Variants in TNS1 observed in about 807,000 individuals in gnomAD.
TNS1 encodes the protein tensin-1.
TNS1 carries 62 observed loss-of-function variants against 168.6 expected under a neutral mutation model. That is an observed-to-expected ratio of 0.37 (90% CI 0.30 to 0.45). The LOEUF (loss-of-function observed/expected upper bound fraction) is 0.45, where lower values mean the gene tolerates loss of function less well. Ranked by LOEUF, TNS1 falls within the 20% of genes least tolerant of loss-of-function variation. TNS1 has a pLI of 1.00. For missense variants in TNS1, 2,240 were observed against 2,339.4 expected (o/e 0.96, Z 0.88); for synonymous variants, 934 against 933.2 (o/e 1.00, Z -0.02).
At chr2:218,014,909 AAGGAAGGAAGGAAGGCAGGCAGGC>A (rs1219303671), upstream of TNS1, among the ~76,000 whole-genome samples, 1,363 of 97,090 alleles carry the variant, frequency 0.014, 24 homozygotes, top group African/African-American at 0.04. Flanking sequence ...GGAAGGAAGG[AAGGAAGGAAGGAAGGCAGGCAGGC>A]AGGCAGGCAG....
In TNS1 at chr2:217,995,987, G is replaced by T. The variant is rs949511466; in HGVS notation, c.34-4931C>A. Among the ~76,000 whole-genome samples, 11 of 152,218 alleles carry T rather than the reference G, an allele frequency of 7.2e-5. No individual in the cohort carries two copies. The highest frequency in any genetic ancestry group is 1.6e-4 in the Non-Finnish European group (11 of 68,042). On this transcript the variant is annotated intron_variant, in intron 1 of 32. Transcript: ENST00000682258. This position sits in a 1 kb window ranked among gnomAD's most constrained non-coding sequence, Gnocchi z 4.1. ...TTCCTGCCCGGGCCGCTCAGCCAGA[G>T]GGGTGTGGCACATCTGGCTTGGACA...
At chr2:217,809,373 A>ATGGATGGATGGATGGATGGATAGG in intron 30 of TNS1, among the ~76,000 whole-genome samples, 1 of 19,724 alleles carries the variant, frequency 5.1e-5, no homozygotes, top group South Asian at 1.7e-3. Flanking sequence ...GGATGGATGG[A>ATGGATGGATGGATGGATGGATAGG]TGCATGGATG....
At chr2:217,996,770 C>T (rs933916895) in intron 1 of TNS1, among the ~76,000 whole-genome samples, 1 of 151,984 alleles carries the variant, frequency 6.6e-6, no homozygotes, top group East Asian at 1.9e-4. Context: ...TCCCACCCAT[C>T]GCCCCTACAC....
intron 3 of TNS1, among the ~76,000 whole-genome samples, chr2:217,958,873 G>A (rs1957428753): frequency 1.3e-5 from 2 of 152,206 alleles, no homozygotes; most frequent in Non-Finnish European, 2.9e-5. Flanking sequence ...ACACCTCTAG[G>A]AAACTGAGGA....
At chr2:218,001,040 C>A (rs1055009424) in intron 1 of TNS1, among the ~76,000 whole-genome samples, 1 of 152,088 alleles carries the variant, frequency 6.6e-6, no homozygotes, top group African/African-American at 2.4e-5. Flanking sequence ...GTAGTCCCAG[C>A]TACTCGGGAG....
chr2:218,026,947 G>T (rs1958853556), intron 1 of TNS1, among the ~76,000 whole-genome samples: 1 of 152,268 alleles, frequency 6.6e-6, no homozygotes, highest in Non-Finnish European at 1.5e-5. Context: ...TCTTGGCTCA[G>T]ATACTGGCCT....
chr2:217,805,546 C>CCACATA (rs1938617764), intron 32 of TNS1, among the ~76,000 whole-genome samples: 5 of 1,808 alleles, frequency 2.8e-3, no homozygotes, highest in Admixed American at 7.6e-3. Flanking sequence ...ACACACACCA[C>CCACATA]CACACACCAC....
chr2:217,963,332 A>G (rs1247116497), intron 3 of TNS1, among the ~76,000 whole-genome samples: 2 of 152,212 alleles, frequency 1.3e-5, no homozygotes, highest in Admixed American at 1.3e-4. Context: ...GGAGAGAGCC[A>G]GACTGCATCT....
rs527805504 is a variant in TNS1 at position 217,806,982 on chromosome 2, A to T, written c.5375+1093T>A. ...CCTGTCTTTGAAGACCCGTCCTTAA[A>T]TATCTGCTCTTTCCACCTCTCTGAG... On this transcript the variant is annotated intron_variant, in intron 32 of 32. Coordinates refer to ENST00000682258, the MANE Select transcript of TNS1 (RefSeq NM_001387777.1). 5.3e-5 allele frequency among the ~76,000 whole-genome samples: 8 copies of T among 152,252 alleles called. 1 individual carries two copies. The East Asian group carries it at 1.5e-3, about 29-fold the overall frequency.
chr2:217,980,535 A>AGAGAGAGAGAGAGAGAGG (rs1559398475), intron 2 of TNS1, among the ~76,000 whole-genome samples: 1 of 149,138 alleles, frequency 6.7e-6, no homozygotes, highest in African/African-American at 2.5e-5. Context: ...AGAGAGAGAG[A>AGAGAGAGAGAGAGAGAGG]GAGAGAGAGA....
At chr2:217,850,582 GACACACACAC>G (rs1207669519) in intron 18 of TNS1, 169 of 869,256 alleles carry the variant, frequency 1.9e-4, no homozygotes, top group African/African-American at 7.5e-4. Context: ...AGCCCCGACA[GACACACACAC>G]ACACACACAC....
At chr2:217,904,131 C>T (rs1329707785) in intron 6 of TNS1, among the ~76,000 whole-genome samples, 1 of 152,174 alleles carries the variant, frequency 6.6e-6, no homozygotes, top group Non-Finnish European at 1.5e-5. Flanking sequence ...CCTCTGGGGG[C>T]TGTGGCCAAC....
At chr2:217,857,411 G>T (rs531789994) in intron 18 of TNS1, among the ~76,000 whole-genome samples, 1 of 152,270 alleles carries the variant, frequency 6.6e-6, no homozygotes, top group Non-Finnish European at 1.5e-5. Flanking sequence ...CCCTAATGCT[G>T]CTTCAAGGTG....
intron 2 of TNS1, 99 bp from the exon 3 acceptor site, chr2:217,978,901 G>T (rs73080355): frequency 0.023 from 16,117 of 693,640 alleles, 869 homozygotes; most frequent in African/African-American, 0.12. Context: ...ATCCGCGCTC[G>T]GGAAGGAAGG....
chr2:217,896,924 T>C (rs1159661903), intron 8 of TNS1, among the ~76,000 whole-genome samples: 1 of 152,222 alleles, frequency 6.6e-6, no homozygotes, highest in Admixed American at 6.5e-5. Context: ...TGCTGTATTG[T>C]TTTTATTTGT....
rs1958189583 is a variant in TNS1 at position 217,986,243 on chromosome 2, C to T, written c.148+4699G>A. Among the ~76,000 whole-genome samples the T allele has an allele frequency of 1.3e-5, 2 of 152,188 alleles. No homozygotes were observed. The highest frequency in any genetic ancestry group is 2.9e-5 in the Non-Finnish European group (2 of 68,014). On this transcript the variant is annotated intron_variant, in intron 2 of 32. Transcript: ENST00000682258. This position sits in a 1 kb window ranked among gnomAD's most constrained non-coding sequence, Gnocchi z 4.7. ...GAAGCTAGGTTCCCCAGTGAAGTAA[C>T]AGGGGGAAAGAGTTCCTAGAAACAA...
chr2:217,921,550 A>G (rs1319367531), intron 3 of TNS1, among the ~76,000 whole-genome samples: 1 of 152,234 alleles, frequency 6.6e-6, no homozygotes, highest in Non-Finnish European at 1.5e-5. Flanking sequence ...CCTGTGGGAC[A>G]GTGTGCTCCA....
intron 3 of TNS1, among the ~76,000 whole-genome samples, chr2:217,924,931 T>C (rs1294007306): frequency 2.0e-5 from 3 of 152,324 alleles, no homozygotes; most frequent in African/African-American, 7.2e-5. Context: ...GGTTGTCTCA[T>C]CATGGTATTT....
At chr2:217,846,889 A>G (rs4519498) in intron 19 of TNS1, among the ~76,000 whole-genome samples, 67,173 of 152,026 alleles carry the variant, frequency 0.44, 15,468 homozygotes, top group African/African-American at 0.59. Context: ...AAACTGACTT[A>G]GAAGGGGAAC....
Sources: gnomAD v4.1 joint callset for allele counts (sites outside exome capture counted in the v4.1 genomes callset) on GRCh38, gnomAD v4.1.1 for gene constraint, Gnocchi (gnomAD v3.1) non-coding constraint, MANE v1.5 for transcripts, NCBI Gene and HGNC (gene_info 2026-07-23, HGNC 2026-07-21) for gene names.